LEMD2: variants seen among roughly 807,000 people sequenced by gnomAD.
LEMD2 encodes LEM domain-containing protein 2.
A neutral mutation model predicts 58.8 loss-of-function variants in LEMD2; 34 were observed. That is an observed-to-expected ratio of 0.58 (90% CI 0.44 to 0.77). LEMD2 has a LOEUF of 0.77. Among genes scored for constraint, LEMD2 ranks in the 30% least tolerant of loss-of-function variants. The pLI is 0.00. For missense variants in LEMD2, 629 were observed against 717.9 expected, an observed-to-expected ratio of 0.88 and a Z score of 1.42; for synonymous variants, 298 against 308.9, an observed-to-expected ratio of 0.96 and a Z score of 0.37.
rs1212964704 is a variant in LEMD2, at chr6:33,772,370, T to C, written c.*258A>G. 2.9e-6 allele frequency: 1 copy of C among 348,164 alleles called. No homozygotes were observed. Among genetic ancestry groups the C allele is most frequent in the Non-Finnish European group, 5.2e-6 (1 of 192,240 alleles). The allele number at this position is 348,164 out of a possible 1,614,324, so 21.6% of individuals were successfully genotyped here. On this transcript the variant is annotated 3_prime_UTR_variant, in exon 9 of 9. Coordinates refer to ENST00000293760, the MANE Select transcript of LEMD2 (RefSeq NM_181336.4). ...TTTCTATTCATGAAAACTCAACCCTTCTCCCCGTTTCTGCCAGCACAACAG... is the reference window on the plus strand; with the variant it reads ...TTTCTATTCATGAAAACTCAACCCTCCTCCCCGTTTCTGCCAGCACAACAG...
At position 33,789,123 on chromosome 6, in the gene LEMD2, G is replaced by A. The variant is rs746229597; in HGVS notation, c.-7C>T. The A allele has an allele frequency of 6.6e-6, 10 of 1,507,406 alleles. No homozygotes were observed. Among genetic ancestry groups the A allele is most frequent in the Admixed American group, 2.2e-5 (1 of 45,228 alleles). The allele number at this position is 1,507,406 out of a possible 1,614,324, so 93.4% of individuals were successfully genotyped here. A position where few individuals can be genotyped will look rare whatever the true frequency, so the allele number is the denominator to read the frequency against. ...GGTCCGACAGGCCGGCCATGGCCAG[G>A]ACGCCGCCCCCCGCCCGCCCCTGGC... On this transcript the variant is annotated 5_prime_UTR_variant, in exon 1 of 9. Coordinates refer to ENST00000293760, the MANE Select transcript of LEMD2 (RefSeq NM_181336.4).
At chr6:33,783,548 C>G (rs1208799240) in intron 3 of LEMD2, among the ~76,000 whole-genome samples, 1 of 152,220 alleles carries the variant, frequency 6.6e-6, no homozygotes, top group Non-Finnish European at 1.5e-5. Context: ...GCATTTAACA[C>G]AAGGCGCACA....
chr6:33,774,357 A>G (rs1212900203), intron 8 of LEMD2, among the ~76,000 whole-genome samples: 1 of 149,698 alleles, frequency 6.7e-6, no homozygotes, highest in Admixed American at 6.7e-5. Context: ...TTTTTAGTAG[A>G]GACGGGGTTT....
intron 1 of LEMD2, 45 bp downstream of exon 1, chr6:33,788,336 C>T (rs752164896): frequency 6.7e-7 from 1 of 1,501,846 alleles, no homozygotes; most frequent in Non-Finnish European, 8.9e-7. Context: ...CTCCGGCGGA[C>T]ACACGCGCGC....
chr6:33,784,473 A>T, intron 2 of LEMD2, 46 bp from the exon 3 acceptor site: 5 of 45,274 alleles, frequency 1.1e-4, no homozygotes, highest in Non-Finnish European at 1.8e-4. Flanking sequence ...GGTGGGTGGG[A>T]GGGGTCCGTC....
intron 6 of LEMD2, among the ~76,000 whole-genome samples, chr6:33,777,733 CCTGAGG>C (rs1218778805): frequency 6.6e-6 from 1 of 152,202 alleles, no homozygotes; most frequent in Non-Finnish European, 1.5e-5. Flanking sequence ...TCAGAGACGC[CCTGAGG>C]TCTCTGCTCA....
At position 33,772,738 on chromosome 6, in the gene LEMD2, G is replaced by C; in HGVS notation, c.1402C>G (p.Leu468Val). 6.2e-7 allele frequency: 1 copy of C among 1,613,978 alleles called. No homozygotes were observed. The highest frequency in any genetic ancestry group is 1.1e-5 in the South Asian group (1 of 91,082). Residue 468 changes from leucine to valine, a missense_variant, in exon 9 of 9, where the codon CTG (leucine) becomes GTG (valine). Leu to Val is a conservative substitution (Grantham distance 32). Transcript: ENST00000293760. ...KRVWDRAVEF[L>V]ASNESRIQTE... Reference sequence around the variant, plus strand: ...TGGATCCGGGATTCGTTGGAGGCCAGGAACTCCACAGCTCGGTCCCAGACA... The same window carrying C: ...TGGATCCGGGATTCGTTGGAGGCCACGAACTCCACAGCTCGGTCCCAGACA...
At chr6:33,785,695 C>T (rs1022521121) in intron 2 of LEMD2, among the ~76,000 whole-genome samples, 1 of 152,180 alleles carries the variant, frequency 6.6e-6, no homozygotes, top group African/African-American at 2.4e-5. Flanking sequence ...TCCAGTTTCC[C>T]CTCTGGCTGC....
chr6:33,777,183 C>T lies in LEMD2; in HGVS notation c.1213G>A (p.Glu405Lys). Residue 405 changes from glutamate to lysine, a missense_variant, in exon 7 of 9, where the codon GAA (glutamate) becomes AAA (lysine). By Grantham distance (56) the Glu-to-Lys change is moderately conservative. This residue lies in a region of LEMD2 where 243 missense variants were observed against 336.8 expected (regional missense o/e 0.72). Transcript: ENST00000293760. The stretch of plus-strand genomic sequence containing the variant: ...TCATACATGGCTTGTTCCTCCTCTT[C>T]TAACTTTCGCCACCGATATTTTAGG... ...ILLKYRWRKL[E>K]EEEQAMYEMV... 6.2e-7 allele frequency: 1 copy of T among 1,614,218 alleles called. No individual in the cohort carries two copies. Among genetic ancestry groups the T allele is most frequent in the Admixed American group, 1.7e-5 (1 of 60,030 alleles).
At chr6:33,781,275 T>C in intron 3 of LEMD2, 122 bp from the exon 4 acceptor site, 1 of 652,190 alleles carries the variant, frequency 1.5e-6, no homozygotes, top group Non-Finnish European at 2.7e-6. Flanking sequence ...CAGCGGCTCC[T>C]GGCTTCTGTG....
At position 33,788,672 on chromosome 6, in the gene LEMD2, C is replaced by A. The variant is rs994456700; in HGVS notation, c.445G>T (p.Asp149Tyr). Residue 149 changes from aspartate to tyrosine, a missense_variant, in exon 1 of 9, where the codon GAC becomes TAC. By Grantham distance (160) the Asp-to-Tyr change is radical. This residue lies in a region of LEMD2 where 386 missense variants were observed against 381.1 expected (regional missense o/e 1.01). Coordinates refer to ENST00000293760, the MANE Select transcript of LEMD2 (RefSeq NM_181336.4). ...SEEDEDARTP[D>Y]RATQGPGLAA... ...AGACCCGGGCCCTGCGTGGCCCTGT[C>A]GGGCGTCCGGGCGTCCTCGTCCTCC... The A allele has an allele frequency of 2.9e-5, 39 of 1,330,378 alleles. No individual in the cohort carries two copies. The highest frequency in any genetic ancestry group is 3.6e-5 in the Non-Finnish European group (37 of 1,040,794). 82.4% of individuals were successfully genotyped at this position (1,330,378 alleles called of 1,614,324 possible). A position where few individuals can be genotyped will look rare whatever the true frequency, so the allele number is the denominator to read the frequency against.
intron 2 of LEMD2, among the ~76,000 whole-genome samples, chr6:33,784,820 A>ATGGGAGAGC (rs1174717607): frequency 6.6e-6 from 1 of 152,186 alleles, no homozygotes; most frequent in Non-Finnish European, 1.5e-5. Context: ...GTTTGCAGAG[A>ATGGGAGAGC]TGGGAGAGCT....
Position 33,778,455 on chromosome 6 carries a change from C to T in LEMD2, c.1011-68G>A. ...AGGAGAGGCAGTGCAAGCCCCACTT[C>T]AAACAGGAGGAAGCGAAGGAAAGTG... On this transcript the variant is annotated intron_variant, in intron 5 of 8. Transcript: ENST00000293760. The surrounding 1 kb of genome is among the most constrained non-coding windows in gnomAD (Gnocchi z 4.7). 1 of 1,316,274 alleles carries T rather than the reference C, an allele frequency of 7.6e-7. No individual in the cohort carries two copies. Among genetic ancestry groups the T allele is most frequent in the South Asian group, 2.0e-5 (1 of 50,860 alleles). The allele number at this position is 1,316,274 out of a possible 1,614,324, so 81.5% of individuals were successfully genotyped here.
intron 1 of LEMD2, 56 bp from the exon 2 acceptor site, chr6:33,786,830 C>A: frequency 4.4e-6 from 7 of 1,604,448 alleles, no homozygotes; most frequent in Admixed American, 3.4e-5. Context: ...GAAAGGAATA[C>A]AAAAAGAGAC....
At chr6:33,787,613 G>A (rs1767710049) in intron 1 of LEMD2, among the ~76,000 whole-genome samples, 1 of 152,342 alleles carries the variant, frequency 6.6e-6, no homozygotes, top group African/African-American at 2.4e-5. Context: ...ATACCTAAAT[G>A]TATAATGAAA....
In LEMD2 at chr6:33,784,359, G is replaced by A. The variant is rs746492603; in HGVS notation, c.846C>T (p.Ile282=). 6.2e-7 allele frequency: 1 copy of A among 1,606,836 alleles called. No individual in the cohort carries two copies. The highest frequency in any genetic ancestry group is 8.5e-7 in the Non-Finnish European group (1 of 1,175,652). The change falls in exon 3 of 9, where the codon ATC becomes ATT. Residue 282 remains isoleucine, a synonymous_variant. Transcript: ENST00000293760. ...CTTACGTGACTTACTCACCAGCTTG[G>A]ATGGCCAGGAAATTGTAGAGTTCAT... is the stretch of plus-strand genomic sequence containing the variant. ...LLHELYNFLA[I]QAGNFECGNP...
At chr6:33,773,251 G>A (rs1767345622) in intron 8 of LEMD2, among the ~76,000 whole-genome samples, 1 of 152,204 alleles carries the variant, frequency 6.6e-6, no homozygotes, top group African/African-American at 2.4e-5. Flanking sequence ...GGGAGGCCAA[G>A]AAGCTGGAGC....
chr6:33,784,652 G>A, intron 2 of LEMD2: 1 of 489,970 alleles, frequency 2.0e-6, no homozygotes, highest in Non-Finnish European at 3.7e-6. Flanking sequence ...AGGCAAAGCT[G>A]AAAGCAGACA....
intron 3 of LEMD2, 36 bp from the exon 4 acceptor site, chr6:33,781,189 A>G (rs1465116178): frequency 7.6e-7 from 1 of 1,318,710 alleles, no homozygotes; most frequent in African/African-American, 1.4e-5. Context: ...TCAAACACAA[A>G]GGAAAAATCA....
Sources: allele counts gnomAD v4.1 joint callset (sites outside exome capture counted in the v4.1 genomes callset), GRCh38; gene constraint gnomAD v4.1.1; regional missense constraint gnomAD v4.1.1; non-coding constraint Gnocchi (gnomAD v3.1); transcripts MANE v1.5; gene names NCBI Gene and HGNC (gene_info 2026-07-23, HGNC 2026-07-21).